Variants in DHRSX observed in about 807,000 individuals in gnomAD.
DHRSX encodes polyprenol dehydrogenase.
A neutral mutation model predicts 34.0 loss-of-function variants in DHRSX; 31 were observed. That is an observed-to-expected ratio of 0.91 (90% CI 0.69 to 1.23). The LOEUF (loss-of-function observed/expected upper bound fraction) is 1.23. Among genes scored for constraint, DHRSX ranks in the 50% most tolerant of loss-of-function variants. The pLI, the probability that DHRSX is intolerant of heterozygous loss-of-function variation, is 0.00. For synonymous variants in DHRSX, 201 were observed against 183.8 expected, an observed-to-expected ratio of 1.09 and a Z score of -0.76; for missense variants, 414 against 428.1, an observed-to-expected ratio of 0.97 and a Z score of 0.29.
rs1331018322 is a variant in DHRSX, at chrX:2,314,345, G to A, written c.287-22742C>T. Among the ~76,000 whole-genome samples, 10 of 6,508 alleles carry A rather than the reference G, an allele frequency of 1.5e-3. 3 individuals carry two copies. The highest frequency in any genetic ancestry group is 3.2e-3 in the Non-Finnish European group (8 of 2,492). 4.3% of individuals were successfully genotyped at this position (6,508 alleles called of 152,430 possible). ...GAGGGAAGGAGGGAGGGAGGGAAAGGAGGGAGGGAGGGAAAGAAGGGAGAG... is the reference window on the plus strand; with the variant it reads ...GAGGGAAGGAGGGAGGGAGGGAAAGAAGGGAGGGAGGGAAAGAAGGGAGAG... On this transcript the variant is annotated intron_variant, in intron 3 of 6. Transcript: ENST00000334651.
chrX:2,261,847 A>T (rs2041367951), intron 5 of DHRSX: 1 of 152,182 alleles, frequency 6.6e-6, no homozygotes, highest in African/African-American at 2.4e-5. Context: ...TCAGAATAAC[A>T]GACAGGCGGC....
At chrX:2,301,287 G>A (rs1046557104) in intron 3 of DHRSX, among the ~76,000 whole-genome samples, 8 of 152,176 alleles carry the variant, frequency 5.3e-5, no homozygotes, top group African/African-American at 1.7e-4. Flanking sequence ...GTGGTGCATT[G>A]CCTGTAATCC....
chrX:2,224,218 A>C (rs1194576325), intron 6 of DHRSX, among the ~76,000 whole-genome samples: 1 of 148,750 alleles, frequency 6.7e-6, no homozygotes, highest in Non-Finnish European at 1.5e-5. Context: ...TGATGCCTCC[A>C]CCCGGAGAGG....
At chrX:2,490,853 C>A in intron 1 of DHRSX, 4 of 1,299,608 alleles carry the variant, frequency 3.1e-6, no homozygotes, top group Non-Finnish European at 4.3e-6. Context: ...AGACAGGGTG[C>A]CGGGGCAGCT....
chrX:2,243,249 A>G lies in DHRSX; in HGVS notation c.597-19T>C. Reference sequence around the variant, plus strand: ...GCAGGCACTGTGGGGCAAGCAGGAGAAGGTGTAAGAGGCTGACGGCGTTCA... The same window carrying G: ...GCAGGCACTGTGGGGCAAGCAGGAGGAGGTGTAAGAGGCTGACGGCGTTCA... On this transcript the variant is annotated intron_variant, in intron 5 of 6. Transcript: ENST00000334651. 2 of 1,610,180 alleles carry G rather than the reference A, an allele frequency of 1.2e-6. No homozygotes were observed. The highest frequency in any genetic ancestry group is 2.2e-5 in the South Asian group (2 of 90,958).
intron 5 of DHRSX, among the ~76,000 whole-genome samples, chrX:2,259,343 TATAGATATATAG>T (rs1015683899): frequency 6.2e-4 from 88 of 142,616 alleles, no homozygotes; most frequent in Non-Finnish European, 1.2e-3. Context: ...TATATATAGA[TATAGATATATAG>T]ATAGATATAG....
At chrX:2,474,435 C>T (rs566168652) in intron 1 of DHRSX, among the ~76,000 whole-genome samples, 3 of 150,710 alleles carry the variant, frequency 2.0e-5, no homozygotes, top group Non-Finnish European at 3.0e-5. Flanking sequence ...CCCCCATGTA[C>T]GCACTGAAGA....
chrX:2,378,861 G>A (rs941291904), intron 3 of DHRSX, among the ~76,000 whole-genome samples: 3 of 152,160 alleles, frequency 2.0e-5, no homozygotes, highest in South Asian at 2.1e-4. Flanking sequence ...TAGTACAGAC[G>A]GGGTAGCCCC....
intron 3 of DHRSX, among the ~76,000 whole-genome samples, chrX:2,308,153 C>T (rs1223325622): frequency 2.6e-5 from 4 of 152,030 alleles, no homozygotes; most frequent in African/African-American, 7.2e-5. Flanking sequence ...GTGTCTGCCA[C>T]GTAGCTCATG....
At position 2,412,413 on chromosome X, in the gene DHRSX, G is replaced by A. The variant is rs531072008; in HGVS notation, c.218-3600C>T. Among the ~76,000 whole-genome samples, 18 of 152,186 alleles carry A rather than the reference G, an allele frequency of 1.2e-4. No homozygotes were observed. The South Asian group carries it at 2.5e-3, about 21-fold the overall frequency. ...TTTTTTCACATCTTAGGAAGTGAAC[G>A]TGCTTGGACAGGAGACTATAGTTTG... On this transcript the variant is annotated intron_variant, in intron 2 of 6. Coordinates refer to ENST00000334651, the MANE Select transcript of DHRSX (RefSeq NM_145177.3).
intron 1 of DHRSX, chrX:2,489,797 A>C (rs1431043184): frequency 6.2e-7 from 1 of 1,613,390 alleles, no homozygotes; most frequent in Non-Finnish European, 8.5e-7. Flanking sequence ...CAGCGCCCCC[A>C]GCTTCGGGAG....
chrX:2,448,917 G>T (rs1262557773), intron 1 of DHRSX, among the ~76,000 whole-genome samples: 2 of 152,140 alleles, frequency 1.3e-5, no homozygotes, highest in South Asian at 2.1e-4. Flanking sequence ...GGCCGGGCGC[G>T]GTGGCTCACG....
intron 1 of DHRSX, among the ~76,000 whole-genome samples, chrX:2,459,227 TA>T (rs1472048351): frequency 4.6e-5 from 7 of 152,046 alleles, no homozygotes; most frequent in Non-Finnish European, 1.5e-5. Flanking sequence ...TGATTATAGT[TA>T]ATAATAATAC....
chrX:2,436,461 A>ATAT (rs1236612938), intron 1 of DHRSX, among the ~76,000 whole-genome samples: 31,487 of 128,688 alleles, frequency 0.24, 4,192 homozygotes, highest in East Asian at 0.38. Context: ...TTGCAGCAAC[A>ATAT]TATTATTATT....
chrX:2,267,688 T>C (rs1209101107), intron 4 of DHRSX, among the ~76,000 whole-genome samples: 1 of 152,034 alleles, frequency 6.6e-6, no homozygotes, highest in Non-Finnish European at 1.5e-5. Context: ...GGCTCATACA[T>C]GTAATCCCAG....
rs182302748 is a variant in DHRSX, at chrX:2,441,147, G to A, written c.110-15843C>T. 5.0e-3 allele frequency among the ~76,000 whole-genome samples: 759 copies of A among 152,242 alleles called. 5 individuals carry two copies. Among genetic ancestry groups the A allele is most frequent in the Non-Finnish European group, 8.4e-3 (572 of 68,022 alleles). ...TCCCAGGGTGCAATGATCACACCTC[G>A]GAGCTTTCCAAAATTCTATCTCATC... is the stretch of plus-strand genomic sequence containing the variant. On this transcript the variant is annotated intron_variant, in intron 1 of 6. Transcript: ENST00000334651.
At chrX:2,284,167 C>T (rs2041773794) in intron 4 of DHRSX, among the ~76,000 whole-genome samples, 1 of 147,550 alleles carries the variant, frequency 6.8e-6, no homozygotes, top group Non-Finnish European at 1.5e-5. Context: ...TGAATTCATT[C>T]CTTTGAATTC....
chrX:2,416,057 C>T (rs751274017), intron 2 of DHRSX, among the ~76,000 whole-genome samples: 55 of 150,696 alleles, frequency 3.6e-4, no homozygotes, highest in South Asian at 1.5e-3. Context: ...CCAACCCAAC[C>T]GGACCTCCTC....
chrX:2,490,168 G>T, intron 1 of DHRSX: 2 of 1,613,970 alleles, frequency 1.2e-6, no homozygotes, highest in Admixed American at 1.7e-5. Flanking sequence ...GCTCCTTCAG[G>T]ATCACCTCCC....
Sources: gnomAD v4.1 joint callset for allele counts (sites outside exome capture counted in the v4.1 genomes callset) on GRCh38, gnomAD v4.1.1 for gene constraint, MANE v1.5 for transcripts, NCBI Gene and HGNC (gene_info 2026-07-23, HGNC 2026-07-21) for gene names.